HPGDS: variants seen among roughly 807,000 people sequenced by gnomAD.
The protein encoded by HPGDS is GST class-sigma.
A neutral mutation model predicts 23.1 loss-of-function variants in HPGDS; 26 were observed. The ratio of observed to expected loss-of-function variants is 1.13; its 90% CI spans 0.83 to 1.56. The LOEUF (loss-of-function observed/expected upper bound fraction) is 1.56, where lower values mean the gene tolerates loss of function less well. HPGDS is among the 40% of genes most tolerant of loss of function. The pLI, the probability that HPGDS is intolerant of heterozygous loss-of-function variation, is 0.00. For missense variants in HPGDS, 268 were observed against 236.4 expected, an observed-to-expected ratio of 1.13 and a Z score of -0.88; for synonymous variants, 95 against 77.9, an observed-to-expected ratio of 1.22 and a Z score of -1.16.
chr4:94,322,396 C>CT (rs1402430039), intron 2 of HPGDS, among the ~76,000 whole-genome samples: 1 of 152,062 alleles, frequency 6.6e-6, no homozygotes, highest in African/African-American at 2.4e-5. Context: ...TGGTCCTGGA[C>CT]TTTTTTTGGT....
At chr4:94,336,799 A>G (rs1454962725) in intron 1 of HPGDS, among the ~76,000 whole-genome samples, 4 of 152,220 alleles carry the variant, frequency 2.6e-5, no homozygotes, top group Admixed American at 2.0e-4. Flanking sequence ...TAGTAAATAA[A>G]AAACATAATA....
At position 94,325,459 on chromosome 4, in the gene HPGDS, C is replaced by T. The variant is rs1181155197; in HGVS notation, c.134-7494G>A. On this transcript the variant is annotated intron_variant, in intron 2 of 5. Transcript: ENST00000295256. The stretch of plus-strand genomic sequence containing the variant: ...CCACCCAGTTCAAGCTTCCCAGCCG[C>T]TTTGTTTACCTACTCAAGCCTCAGC... Among the ~76,000 whole-genome samples the T allele has an allele frequency of 3.3e-5, 5 of 152,172 alleles. No homozygotes were observed. The East Asian group carries it at 7.7e-4, about 24-fold the overall frequency.
At chr4:94,313,741 T>C (rs1294133107) in intron 3 of HPGDS, among the ~76,000 whole-genome samples, 5 of 152,244 alleles carry the variant, frequency 3.3e-5, no homozygotes, top group Non-Finnish European at 4.4e-5. Context: ...GTTTTCCAAC[T>C]TGGTTCCATT....
intron 3 of HPGDS, among the ~76,000 whole-genome samples, chr4:94,313,267 G>A (rs1756319546): frequency 1.3e-5 from 2 of 152,154 alleles, no homozygotes. Flanking sequence ...TTTTTGCAGG[G>A]GCTGGTACTG....
At chr4:94,325,707 G>A (rs1036208028) in intron 2 of HPGDS, among the ~76,000 whole-genome samples, 7 of 152,188 alleles carry the variant, frequency 4.6e-5, no homozygotes, top group Admixed American at 1.3e-4. Context: ...CTTTGGCTAG[G>A]AAAGGGAAAT....
intron 3 of HPGDS, among the ~76,000 whole-genome samples, chr4:94,316,026 A>G (rs1047172628): frequency 2.0e-5 from 3 of 152,120 alleles, no homozygotes; most frequent in Non-Finnish European, 2.9e-5. Context: ...TTCTCAAACC[A>G]GCTCTCCTTT....
chr4:94,303,440 A>G (rs549386713), intron 4 of HPGDS, among the ~76,000 whole-genome samples: 14 of 152,296 alleles, frequency 9.2e-5, no homozygotes, highest in African/African-American at 3.4e-4. Context: ...TCTGGTCCCA[A>G]GAATTTCAGA....
At chr4:94,304,165 A>G (rs899988766) in intron 4 of HPGDS, among the ~76,000 whole-genome samples, 4 of 152,124 alleles carry the variant, frequency 2.6e-5, no homozygotes, top group Admixed American at 2.6e-4. Flanking sequence ...TTGCTATGAA[A>G]GTTTAACAAA....
chr4:94,335,735 A>T (rs1720995184), intron 1 of HPGDS, among the ~76,000 whole-genome samples: 1 of 152,240 alleles, frequency 6.6e-6, no homozygotes, highest in African/African-American at 2.4e-5. Context: ...CACACTAAAG[A>T]TAAATAATAA....
chr4:94,341,117 T>G (rs2126048175), intron 1 of HPGDS, among the ~76,000 whole-genome samples: 1 of 150,922 alleles, frequency 6.6e-6, no homozygotes, highest in African/African-American at 2.4e-5. Context: ...GATTACAGGC[T>G]GAGCCACCTC....
At chr4:94,336,197 C>T (rs143982536) in intron 1 of HPGDS, among the ~76,000 whole-genome samples, 3,756 of 122,802 alleles carry the variant, frequency 0.031, 162 homozygotes, top group African/African-American at 0.11. Flanking sequence ...CAGAGTGAGA[C>T]GCCGTCTCAA....
intron 3 of HPGDS, among the ~76,000 whole-genome samples, chr4:94,309,595 T>TTTATA (rs1756218062): frequency 2.0e-5 from 3 of 152,148 alleles, no homozygotes; most frequent in Non-Finnish European, 4.4e-5. Context: ...AACATACGTG[T>TTTATA]GCATGTGTCT....
intron 3 of HPGDS, among the ~76,000 whole-genome samples, chr4:94,313,062 G>T (rs970404846): frequency 2.0e-5 from 3 of 152,114 alleles, no homozygotes; most frequent in Admixed American, 6.6e-5. Context: ...CCTGAATACA[G>T]CACACTGATG....
chr4:94,340,542 T>C (rs1721141158), intron 1 of HPGDS, among the ~76,000 whole-genome samples: 2 of 147,120 alleles, frequency 1.4e-5, no homozygotes, highest in East Asian at 2.0e-4. Context: ...GGTTTCCCCG[T>C]GTTAGCCGGG....
At chr4:94,334,708 T>G (rs1035631931) in intron 1 of HPGDS, 70 bp from the exon 2 acceptor site, 34 of 1,449,470 alleles carry the variant, frequency 2.3e-5, no homozygotes, top group Non-Finnish European at 2.9e-5. Flanking sequence ...TTCTTCAGAA[T>G]TTTTTGGAAA....
At chr4:94,301,844 G>A (rs6841121) in intron 5 of HPGDS, among the ~76,000 whole-genome samples, 87,019 of 151,770 alleles carry the variant, frequency 0.57, 25,118 homozygotes, top group East Asian at 0.72. Context: ...TTCTTCTCTA[G>A]TAGAGTACAT....
intron 2 of HPGDS, among the ~76,000 whole-genome samples, chr4:94,327,516 G>T (rs1756657139): frequency 6.6e-6 from 1 of 152,108 alleles, no homozygotes; most frequent in African/African-American, 2.4e-5. Context: ...GTGGTGATAA[G>T]TGTGGCAGTA....
chr4:94,342,105 A>T (rs1171094653), intron 1 of HPGDS, among the ~76,000 whole-genome samples: 1 of 151,940 alleles, frequency 6.6e-6, no homozygotes, highest in African/African-American at 2.4e-5. Context: ...CAAGCACTGG[A>T]TGTTTAACTT....
At chr4:94,327,087 G>A (rs956803428) in intron 2 of HPGDS, among the ~76,000 whole-genome samples, 2 of 152,066 alleles carry the variant, frequency 1.3e-5, no homozygotes, top group African/African-American at 4.8e-5. Context: ...TCAGGCACTA[G>A]TGGTGGCTAC....
Sources: allele counts gnomAD v4.1 joint callset (sites outside exome capture counted in the v4.1 genomes callset), GRCh38; gene constraint gnomAD v4.1.1; transcripts MANE v1.5; gene names NCBI Gene and HGNC (gene_info 2026-07-23, HGNC 2026-07-21).